Variants in SNTG1 observed in about 807,000 individuals in gnomAD.
SNTG1 encodes the protein syntrophin gamma 1, also known as gamma-1-syntrophin.
A neutral mutation model predicts 74.7 loss-of-function variants in SNTG1; 39 were observed. The ratio of observed to expected loss-of-function variants is 0.52; its 90% CI spans 0.40 to 0.68. SNTG1 has a LOEUF of 0.68. Among genes scored for constraint, SNTG1 ranks in the 30% least tolerant of loss-of-function variants. The probability of loss-of-function intolerance (pLI) is 0.00; values close to 1 mark genes in which losing one functional copy is unlikely to be tolerated. For synonymous variants in SNTG1, 254 were observed against 217.1 expected (o/e 1.17, Z -1.49); for missense variants, 685 against 609.5 (o/e 1.12, Z -1.30).
chr8:49,914,074 G>C (rs1805810982), intron 1 of SNTG1, among the ~76,000 whole-genome samples: 1 of 152,146 alleles, frequency 6.6e-6, no homozygotes, highest in South Asian at 2.1e-4. Context: ...TATCTGTAGG[G>C]AAATGTCCTT....
intron 1 of SNTG1, among the ~76,000 whole-genome samples, chr8:50,087,971 C>T (rs1416633081): frequency 1.5e-5 from 2 of 134,736 alleles, no homozygotes; most frequent in African/African-American, 5.6e-5. Context: ...GTGATATTCC[C>T]CTTCCTGTGT....
intron 2 of SNTG1, among the ~76,000 whole-genome samples, chr8:50,383,683 C>G (rs1044162256): frequency 2.0e-5 from 3 of 152,134 alleles, no homozygotes; most frequent in African/African-American, 7.2e-5. Flanking sequence ...CCTGAAGTGT[C>G]TGGGCCATTA....
chr8:49,944,664 C>A (rs551296879), intron 1 of SNTG1, among the ~76,000 whole-genome samples: 1 of 150,966 alleles, frequency 6.6e-6, no homozygotes, highest in South Asian at 2.1e-4. Context: ...ACTAGCATGG[C>A]ACATGTATAC....
At chr8:50,592,545 T>C (rs770224472) in intron 13 of SNTG1, among the ~76,000 whole-genome samples, 3 of 152,148 alleles carry the variant, frequency 2.0e-5, no homozygotes, top group Non-Finnish European at 4.4e-5. Flanking sequence ...AGGTTTAGAA[T>C]AGTATTAAGT....
chr8:50,785,261 T>C (rs1487102878), intron 18 of SNTG1, among the ~76,000 whole-genome samples: 4 of 151,856 alleles, frequency 2.6e-5, no homozygotes, highest in African/African-American at 9.7e-5. Context: ...TTTAGTTTTT[T>C]AAAAAGGTTA....
At chr8:50,290,314 T>TA (rs940756953) in intron 2 of SNTG1, among the ~76,000 whole-genome samples, 4 of 152,186 alleles carry the variant, frequency 2.6e-5, no homozygotes, top group Non-Finnish European at 5.9e-5. Flanking sequence ...TACAACTCTA[T>TA]AAAAAATGGC....
chr8:50,628,661 T>C lies in SNTG1; in HGVS notation c.850-28248T>C, dbSNP rs527563524. Among the ~76,000 whole-genome samples the C allele has an allele frequency of 1.2e-4, 19 of 152,330 alleles. No homozygotes were observed. The South Asian group carries it at 3.9e-3, about 32-fold the overall frequency. ...GAATTTATAAACTTTTGTTTCTGCTTCTCTTCTAAAACTGAATAAGCTATA... is the reference window on the plus strand; with the variant it reads ...GAATTTATAAACTTTTGTTTCTGCTCCTCTTCTAAAACTGAATAAGCTATA... On this transcript the variant is annotated intron_variant, in intron 13 of 18. Transcript: ENST00000642720.
intron 2 of SNTG1, among the ~76,000 whole-genome samples, chr8:50,232,665 T>C (rs1437411684): frequency 1.3e-5 from 2 of 151,400 alleles, no homozygotes; most frequent in Admixed American, 1.3e-4. Flanking sequence ...GATCACATGA[T>C]CACCTACATA....
chr8:50,451,506 G>A (rs1417734877), intron 8 of SNTG1, among the ~76,000 whole-genome samples: 3 of 152,118 alleles, frequency 2.0e-5, no homozygotes, highest in Non-Finnish European at 2.9e-5. Context: ...GAGAAAGAGA[G>A]AGACAGAGAG....
chr8:50,264,152 C>T (rs1049904817), intron 2 of SNTG1, among the ~76,000 whole-genome samples: 4 of 152,120 alleles, frequency 2.6e-5, no homozygotes, highest in Non-Finnish European at 2.9e-5. Flanking sequence ...TAAAACACTG[C>T]ATACCAAAAC....
intron 2 of SNTG1, among the ~76,000 whole-genome samples, chr8:50,340,996 C>T (rs922377258): frequency 6.6e-6 from 1 of 151,906 alleles, no homozygotes; most frequent in Non-Finnish European, 1.5e-5. Flanking sequence ...CTAATCCAAA[C>T]CTCCAAATGT....
At chr8:50,373,311 G>A (rs1193994665) in intron 2 of SNTG1, among the ~76,000 whole-genome samples, 1 of 152,190 alleles carries the variant, frequency 6.6e-6, no homozygotes, top group Non-Finnish European at 1.5e-5. Context: ...TTAATTTAAT[G>A]TTATGAGCTC....
intron 9 of SNTG1, among the ~76,000 whole-genome samples, chr8:50,515,141 C>A (rs899378707): frequency 6.6e-6 from 1 of 152,104 alleles, no homozygotes; most frequent in Non-Finnish European, 1.5e-5. Flanking sequence ...TGACAGCATA[C>A]ATAAGCATAT....
intron 2 of SNTG1, among the ~76,000 whole-genome samples, chr8:50,185,722 T>C (rs2131742078): frequency 6.6e-6 from 1 of 152,334 alleles, no homozygotes; most frequent in Non-Finnish European, 1.5e-5. Context: ...TATTCTTTTT[T>C]CTTTTTCCTC....
At chr8:50,231,903 T>G (rs573091829) in intron 2 of SNTG1, among the ~76,000 whole-genome samples, 35 of 151,532 alleles carry the variant, frequency 2.3e-4, no homozygotes, top group Admixed American at 1.3e-3. Flanking sequence ...ATATTTGAAG[T>G]GATAAATATG....
intron 1 of SNTG1, among the ~76,000 whole-genome samples, chr8:50,150,429 T>C (rs912994851): frequency 1.2e-4 from 19 of 152,182 alleles, no homozygotes; most frequent in African/African-American, 4.1e-4. Flanking sequence ...TCCAACACTA[T>C]GTTGAATAGG....
chr8:49,923,746 C>T (rs895243775), intron 1 of SNTG1, among the ~76,000 whole-genome samples: 1 of 151,958 alleles, frequency 6.6e-6, no homozygotes, highest in African/African-American at 2.4e-5. Context: ...CTTAGCATAT[C>T]TTTTTGTAAA....
chr8:50,208,754 C>T (rs2131891286), intron 2 of SNTG1, among the ~76,000 whole-genome samples: 1 of 152,252 alleles, frequency 6.6e-6, no homozygotes, highest in African/African-American at 2.4e-5. Flanking sequence ...TAAGGCAGGC[C>T]TGGTGGTGAC....
At chr8:50,375,861 C>G (rs542428917) in intron 2 of SNTG1, among the ~76,000 whole-genome samples, 85 of 152,234 alleles carry the variant, frequency 5.6e-4, no homozygotes, top group African/African-American at 1.8e-3. Flanking sequence ...CAAGGGGAGA[C>G]TTTGAGCTCC....
Sources: allele counts gnomAD v4.1 joint callset (sites outside exome capture counted in the v4.1 genomes callset), GRCh38; gene constraint gnomAD v4.1.1; transcripts MANE v1.5; gene names NCBI Gene and HGNC (gene_info 2026-07-23, HGNC 2026-07-21).